ARID1A: variants seen among roughly 807,000 people sequenced by gnomAD.
ARID1A encodes the protein AT-rich interactive domain-containing protein 1A.
Under a neutral mutation model 212.6 loss-of-function variants are expected in ARID1A, and 20 were observed. That is an observed-to-expected ratio of 0.09 (90% confidence interval 0.07 to 0.14). The LOEUF (loss-of-function observed/expected upper bound fraction) is 0.14. ARID1A is among the 10% of genes least tolerant of loss of function. The pLI is 1.00. For missense variants in ARID1A, 2,587 were observed against 3,059.0 expected, an observed-to-expected ratio of 0.85 and a Z score of 3.64; for synonymous variants, 1,376 against 1,222.1, an observed-to-expected ratio of 1.13 and a Z score of -2.63.
chr1:26,733,056 A>G (rs2080695868), intron 4 of ARID1A, among the ~76,000 whole-genome samples: 1 of 152,190 alleles, frequency 6.6e-6, no homozygotes, highest in Non-Finnish European at 1.5e-5. Context: ...GAGAAGATGG[A>G]GATATCAGAA....
intron 1 of ARID1A, among the ~76,000 whole-genome samples, chr1:26,709,755 C>G (rs2080431964): frequency 6.6e-6 from 1 of 151,048 alleles, no homozygotes; most frequent in Non-Finnish European, 1.5e-5. Flanking sequence ...TGACCTCAAG[C>G]AATCTTCCTT....
rs774362133 is a variant in ARID1A at position 26,697,357 on chromosome 1, C to G, written c.954C>G (p.Gly318=). ...YQGYPGGDYS[G]GPQDGGAGKG... ...GCTACCCCGGGGGCGACTACAGTGGCGGGCCCCAGGACGGGGGCGCCGGCA... is the reference window on the plus strand; with the variant it reads ...GCTACCCCGGGGGCGACTACAGTGGGGGGCCCCAGGACGGGGGCGCCGGCA... The change falls in exon 1 of 20, where the codon GGC becomes GGG. Residue 318 remains glycine (G), a synonymous_variant. Coordinates refer to ENST00000324856, the MANE Select transcript of ARID1A (RefSeq NM_006015.6). The G allele has an allele frequency of 7.6e-7, 1 of 1,321,422 alleles. No homozygotes were observed. The highest frequency in any genetic ancestry group is 9.6e-7 in the Non-Finnish European group (1 of 1,042,422). 81.9% of individuals were successfully genotyped at this position (1,321,422 alleles called of 1,614,324 possible).
In ARID1A at chr1:26,780,383, T is replaced by A. The variant is rs2124149576; in HGVS notation, c.6485T>A (p.Val2162Glu). ...VRFLSDRKNP[V>E]CREMAVVLLA... Reference sequence around the variant, plus strand: ...TTCCTCAGTGACCGAAAGAACCCGGTGTGCCGGGAGATGGCTGTGGTACTG... The same window carrying A: ...TTCCTCAGTGACCGAAAGAACCCGGAGTGCCGGGAGATGGCTGTGGTACTG... The change falls in exon 20 of 20, where the codon GTG becomes GAG. Residue 2162 changes from valine to glutamate, a missense_variant. By Grantham distance (121) the Val-to-Glu change is moderately radical. Coordinates refer to ENST00000324856, the MANE Select transcript of ARID1A (RefSeq NM_006015.6). The surrounding 1 kb of genome is among the most constrained non-coding windows in gnomAD (Gnocchi z 7.2). The A allele has an allele frequency of 6.2e-7, 1 of 1,614,198 alleles. No homozygotes were observed. Among genetic ancestry groups the A allele is most frequent in the Non-Finnish European group, 8.5e-7 (1 of 1,180,024 alleles).
At chr1:26,701,587 C>T (rs2080332290) in intron 1 of ARID1A, among the ~76,000 whole-genome samples, 1 of 152,148 alleles carries the variant, frequency 6.6e-6, no homozygotes, top group Non-Finnish European at 1.5e-5. Context: ...TTTTCATTTT[C>T]TCCCTCATCA....
Position 26,763,083 on chromosome 1 carries a change from C to A in ARID1A, c.2530C>A (p.Gln844Lys), listed in dbSNP as rs2124068719. The change falls in exon 8 of 20, where the codon CAG becomes AAG. Residue 844 changes from glutamine to lysine, a missense_variant. Around this residue, in one of 11 missense-constraint regions of ARID1A, gnomAD observed 674 missense variants for 813.4 expected, o/e 0.83. Transcript: ENST00000324856. Reference sequence around the variant, plus strand: ...GGGTGCCGGAGGTCAAATGCATGGACAGCCTGGCATCCCACCTTATGGCAC... The same window carrying A: ...GGGTGCCGGAGGTCAAATGCATGGAAAGCCTGGCATCCCACCTTATGGCAC... ...PMGAGGQMHG[Q>K]PGIPPYGTLP... The A allele has an allele frequency of 6.2e-7, 1 of 1,614,252 alleles. No individual in the cohort carries two copies. The highest frequency in any genetic ancestry group is 8.5e-7 in the Non-Finnish European group (1 of 1,180,042).
chr1:26,760,835 G>A (rs1249505223), intron 4 of ARID1A, 21 bp from the exon 5 acceptor site: 4 of 1,595,868 alleles, frequency 2.5e-6, no homozygotes, highest in Non-Finnish European at 3.4e-6. Flanking sequence ...ACTAATCCAT[G>A]TTCTTATATA....
At chr1:26,751,107 T>G (rs1357060351) in intron 4 of ARID1A, among the ~76,000 whole-genome samples, 1 of 151,492 alleles carries the variant, frequency 6.6e-6, no homozygotes, top group Admixed American at 6.6e-5. Flanking sequence ...ATACAAAAAT[T>G]AGCCGGGCGT....
intron 1 of ARID1A, among the ~76,000 whole-genome samples, chr1:26,711,274 T>TTTTA (rs1167923837): frequency 6.6e-6 from 1 of 151,892 alleles, no homozygotes; most frequent in Non-Finnish European, 1.5e-5. Flanking sequence ...GCCCGGCTAA[T>TTTTA]TTTATTTATT....
rs2124106829 is a variant in ARID1A at position 26,772,849 on chromosome 1, G to A, written c.3577G>A (p.Asp1193Asn). ...NSVGIQDAFN[D>N]GSDSTFQKRN... ...AGTTGGGATCCAGGATGCCTTTAAT[G>A]ATGGAAGTGACTCCACATTCCAGAA... Residue 1193 changes from aspartate to asparagine, a missense_variant, in exon 14 of 20, where the codon GAT becomes AAT. Physicochemically the swap from Asp to Asn is conservative, Grantham distance 23 (BLOSUM62 1). Coordinates refer to ENST00000324856, the MANE Select transcript of ARID1A (RefSeq NM_006015.6). 1.2e-6 allele frequency: 2 copies of A among 1,614,126 alleles called. No individual in the cohort carries two copies. The highest frequency in any genetic ancestry group is 1.7e-6 in the Non-Finnish European group (2 of 1,180,026).
chr1:26,741,062 A>C (rs2080783167), intron 4 of ARID1A, among the ~76,000 whole-genome samples: 1 of 152,246 alleles, frequency 6.6e-6, no homozygotes, highest in Non-Finnish European at 1.5e-5. Flanking sequence ...GAGTCTGGAT[A>C]CAAGTTTGCG....
chr1:26,736,628 C>CAAA (rs71007890), intron 4 of ARID1A, among the ~76,000 whole-genome samples: 22 of 74,036 alleles, frequency 3.0e-4, no homozygotes, highest in African/African-American at 9.9e-4. Context: ...GACTCTGTCT[C>CAAA]AAAAAAAAAA....
intron 19 of ARID1A, among the ~76,000 whole-genome samples, chr1:26,777,366 G>A (rs2081146343): frequency 6.6e-6 from 1 of 151,452 alleles, no homozygotes; most frequent in Non-Finnish European, 1.5e-5. Flanking sequence ...GACTACAGGT[G>A]CGTGCAAACA....
chr1:26,763,415 T>C (rs927228880), intron 8 of ARID1A, 130 bp downstream of exon 8: 2 of 1,089,980 alleles, frequency 1.8e-6, no homozygotes, highest in Non-Finnish European at 2.6e-6. Context: ...TGTTAATTCT[T>C]ACATACCTTA....
chr1:26,737,492 A>G (rs569532253), intron 4 of ARID1A, among the ~76,000 whole-genome samples: 5 of 152,258 alleles, frequency 3.3e-5, no homozygotes, highest in African/African-American at 1.2e-4. Flanking sequence ...CCCAGTACCT[A>G]TCATGTGATG....
intron 1 of ARID1A, 145 bp downstream of exon 1, chr1:26,697,685 T>A: frequency 4.7e-6 from 4 of 848,450 alleles, no homozygotes; most frequent in South Asian, 4.9e-5. Context: ...TCTTCTCTCT[T>A]AAAATGGCTG....
At position 26,696,586 on chromosome 1, in the gene ARID1A, C is replaced by T. The variant is rs2080256281; in HGVS notation, c.183C>T (p.Pro61=). The T allele has an allele frequency of 6.5e-6, 8 of 1,230,566 alleles. No homozygotes were observed. The East Asian group carries it at 2.3e-4, about 35-fold the overall frequency. 76.2% of individuals were successfully genotyped at this position (1,230,566 alleles called of 1,614,324 possible). A position where few individuals can be genotyped will look rare whatever the true frequency, so the allele number is the denominator to read the frequency against. The change falls in exon 1 of 20, where the codon CCC becomes CCT. Residue 61 remains proline, a synonymous_variant. Coordinates refer to ENST00000324856, the MANE Select transcript of ARID1A (RefSeq NM_006015.6). ...CCGCCGGGCAGGAAAGCGAGGGCCC[C>T]GCCGTGGGGCCGCCGCAGCCGCTGG... ...KAAAGQESEG[P]AVGPPQPLGK...
intron 1 of ARID1A, among the ~76,000 whole-genome samples, chr1:26,711,485 T>C (rs1034944359): frequency 6.6e-6 from 1 of 152,108 alleles, no homozygotes; most frequent in Non-Finnish European, 1.5e-5. Context: ...AATCTAACCC[T>C]AATTACCTCC....
chr1:26,745,079 A>G (rs985007557), intron 4 of ARID1A, among the ~76,000 whole-genome samples: 2 of 152,164 alleles, frequency 1.3e-5, no homozygotes, highest in African/African-American at 2.4e-5. Flanking sequence ...AGGTCTAGCT[A>G]TGTTTAAAAG....
In ARID1A at chr1:26,697,558, G is replaced by A; in HGVS notation, c.1137+18G>A. 1 of 1,334,674 alleles carries A rather than the reference G, an allele frequency of 7.5e-7. No homozygotes were observed. Among genetic ancestry groups the A allele is most frequent in the Non-Finnish European group, 9.5e-7 (1 of 1,050,614 alleles). The allele number at this position is 1,334,674 out of a possible 1,614,324, so 82.7% of individuals were successfully genotyped here. A position where few individuals can be genotyped will look rare whatever the true frequency, so the allele number is the denominator to read the frequency against. On this transcript the variant is annotated intron_variant, in intron 1 of 19. Coordinates refer to ENST00000324856, the MANE Select transcript of ARID1A (RefSeq NM_006015.6). ...CCCCTCAGGTACACAGCTGAGTGGG[G>A]AGGGGGCTGGGGCGAGCGTGGTCCT...
Sources: gnomAD v4.1 joint callset for allele counts (sites outside exome capture counted in the v4.1 genomes callset) on GRCh38, gnomAD v4.1.1 for gene constraint, gnomAD v4.1.1 regional missense constraint, Gnocchi (gnomAD v3.1) non-coding constraint, MANE v1.5 for transcripts, NCBI Gene and HGNC (gene_info 2026-07-23, HGNC 2026-07-21) for gene names.